The following TRPV4 variants were observed in gnomAD, a reference collection of about 807,000 sequenced individuals.
The protein encoded by TRPV4 is transient receptor potential cation channel subfamily V member 4.
TRPV4 carries 58 observed loss-of-function variants against 84.1 expected under a neutral mutation model. The ratio of observed to expected loss-of-function variants is 0.69; its 90% confidence interval spans 0.56 to 0.86. The LOEUF (loss-of-function observed/expected upper bound fraction) is 0.86, where lower values mean the gene tolerates loss of function less well. Ranked by LOEUF, TRPV4 falls within the 40% of genes least tolerant of loss-of-function variation. TRPV4 has a pLI of 0.00. For synonymous variants in TRPV4, 489 were observed against 500.9 expected (o/e 0.98, Z 0.32); for missense variants, 879 against 1,181.1 (o/e 0.74, Z 3.75).
intron 10 of TRPV4, 60 bp from the exon 11 acceptor site, chr12:109,792,877 G>A: frequency 6.3e-7 from 1 of 1,589,336 alleles, no homozygotes; most frequent in African/African-American, 1.3e-5. Context: ...TGAGGCTCTG[G>A]AGGGGAAGAC....
chr12:109,794,793 G>A (rs1020426427), intron 7 of TRPV4, among the ~76,000 whole-genome samples: 4 of 152,256 alleles, frequency 2.6e-5, no homozygotes, highest in South Asian at 4.2e-4. Context: ...CAAGACAGGC[G>A]GATCACCTAA....
At chr12:109,809,497 A>G in intron 2 of TRPV4, among the ~76,000 whole-genome samples, 1 of 135,246 alleles carries the variant, frequency 7.4e-6, no homozygotes, top group South Asian at 2.4e-4. Context: ...CTACCCATCC[A>G]CTCACTCCTC....
intron 3 of TRPV4, among the ~76,000 whole-genome samples, chr12:109,805,915 C>G (rs903544590): frequency 8.5e-5 from 13 of 152,246 alleles, no homozygotes; most frequent in Admixed American, 2.0e-4. Flanking sequence ...ACAAGCTAGC[C>G]TGGTGCTGAA....
chr12:109,794,111 G>C, intron 8 of TRPV4, 89 bp from the exon 9 acceptor site: 2 of 1,213,288 alleles, frequency 1.6e-6, no homozygotes. Flanking sequence ...CCGAAACATC[G>C]GCATCCCATG....
In TRPV4 at chr12:109,793,836, G is replaced by T; in HGVS notation, c.1584+94C>A. 1 of 1,005,566 alleles carries T rather than the reference G, an allele frequency of 9.9e-7. No individual in the cohort carries two copies. The highest frequency in any genetic ancestry group is 2.5e-5 in the East Asian group (1 of 40,092). The allele number at this position is 1,005,566 out of a possible 1,614,324, so 62.3% of individuals were successfully genotyped here. On this transcript the variant is annotated intron_variant, in intron 9 of 15. Coordinates refer to ENST00000261740, the MANE Select transcript of TRPV4 (RefSeq NM_021625.5). The surrounding 1 kb of genome is among the most constrained non-coding windows in gnomAD (Gnocchi z 4.0). Reference sequence around the variant, plus strand: ...GGAAGGAAAGGAGAAGGACCATTTGGAGGAGAGAGAAGAGAAAAAGAGGGA... The same window carrying T: ...GGAAGGAAAGGAGAAGGACCATTTGTAGGAGAGAGAAGAGAAAAAGAGGGA...
At chr12:109,826,647 C>T (rs1209943551) in intron 1 of TRPV4, among the ~76,000 whole-genome samples, 1 of 152,156 alleles carries the variant, frequency 6.6e-6, no homozygotes, top group African/African-American at 2.4e-5. Context: ...GCTACCATGC[C>T]CTCTCCCTAG....
intron 5 of TRPV4, among the ~76,000 whole-genome samples, chr12:109,800,318 G>A (rs1254057845): frequency 2.0e-5 from 3 of 152,138 alleles, no homozygotes; most frequent in African/African-American, 7.2e-5. Context: ...GCCCTCAAGC[G>A]ATCCTCCTGC....
intron 1 of TRPV4, among the ~76,000 whole-genome samples, chr12:109,829,188 A>T (rs1892347163): frequency 6.6e-6 from 1 of 152,048 alleles, no homozygotes; most frequent in African/African-American, 2.4e-5. Flanking sequence ...TAATAAATAA[A>T]AAAAAAAGTG....
Position 109,798,517 on chromosome 12 carries a change from G to T in TRPV4, c.1152+97C>A. On this transcript the variant is annotated intron_variant, in intron 6 of 15. Coordinates refer to ENST00000261740, the MANE Select transcript of TRPV4 (RefSeq NM_021625.5). This position sits in a 1 kb window ranked among gnomAD's most constrained non-coding sequence, Gnocchi z 5.0. ...GGGGTTGGCATGTTGGGAGGTGCAT[G>T]CACGTATTAATAATGAATACCAGCA... is the stretch of plus-strand genomic sequence containing the variant. The T allele has an allele frequency of 2.0e-6, 3 of 1,472,590 alleles. No individual in the cohort carries two copies. The highest frequency in any genetic ancestry group is 2.8e-6 in the Non-Finnish European group (3 of 1,077,932). The allele number at this position is 1,472,590 out of a possible 1,614,324, so 91.2% of individuals were successfully genotyped here.
At chr12:109,822,201 G>A (rs956879405) in intron 1 of TRPV4, among the ~76,000 whole-genome samples, 8 of 151,394 alleles carry the variant, frequency 5.3e-5, no homozygotes, top group Non-Finnish European at 7.4e-5. Flanking sequence ...GTGAGTGGGT[G>A]GGCAGTGGGG....
intron 1 of TRPV4, among the ~76,000 whole-genome samples, chr12:109,821,514 A>G (rs1198150017): frequency 2.7e-5 from 4 of 150,350 alleles, no homozygotes; most frequent in African/African-American, 9.8e-5. Flanking sequence ...AGCACTTCCC[A>G]CGATTAAACT....
At chr12:109,829,812 C>A (rs1230097286) in intron 1 of TRPV4, among the ~76,000 whole-genome samples, 1 of 152,206 alleles carries the variant, frequency 6.6e-6, no homozygotes, top group Non-Finnish European at 1.5e-5. Context: ...TAAGCCCAGG[C>A]CTGTCTGCAG....
intron 5 of TRPV4, among the ~76,000 whole-genome samples, chr12:109,799,211 G>A (rs551858815): frequency 8.3e-4 from 125 of 149,890 alleles, no homozygotes; most frequent in African/African-American, 2.9e-3. Flanking sequence ...GGAGTGCAGT[G>A]GCACAATCTC....
Position 109,786,973 on chromosome 12 carries a change from A to G in TRPV4, c.2209-136T>C. The stretch of plus-strand genomic sequence containing the variant: ...TAGACTCCTACTCCCCACTAGACAC[A>G]GGGTTTATAAACTCAAATACCCACA... On this transcript the variant is annotated intron_variant, in intron 13 of 15. Transcript: ENST00000261740. This position sits in a 1 kb window ranked among gnomAD's most constrained non-coding sequence, Gnocchi z 4.5. 7.9e-7 allele frequency: 1 copy of G among 1,262,688 alleles called. No homozygotes were observed. Among genetic ancestry groups the G allele is most frequent in the Non-Finnish European group, 1.1e-6 (1 of 900,404 alleles). 78.2% of individuals were successfully genotyped at this position (1,262,688 alleles called of 1,614,324 possible). A position where few individuals can be genotyped will look rare whatever the true frequency, so the allele number is the denominator to read the frequency against.
intron 1 of TRPV4, among the ~76,000 whole-genome samples, chr12:109,819,323 T>C (rs1891997871): frequency 6.6e-6 from 1 of 152,194 alleles, no homozygotes; most frequent in South Asian, 2.1e-4. Context: ...GTGACTGTCA[T>C]GTACATTTCT....
chr12:109,788,274 G>T, intron 13 of TRPV4, 126 bp downstream of exon 13: 1 of 930,740 alleles, frequency 1.1e-6, no homozygotes, highest in Non-Finnish European at 1.6e-6. Flanking sequence ...TACCGACAGA[G>T]AAGTGGAGGG....
chr12:109,794,250 A>G, intron 8 of TRPV4, 79 bp downstream of exon 8: 7 of 1,569,614 alleles, frequency 4.5e-6, no homozygotes, highest in Non-Finnish European at 6.1e-6. Flanking sequence ...GGGGACCCAG[A>G]AGGATGAGGT....
intron 1 of TRPV4, among the ~76,000 whole-genome samples, chr12:109,823,310 C>G (rs997729662): frequency 6.6e-6 from 1 of 152,228 alleles, no homozygotes; most frequent in African/African-American, 2.4e-5. Context: ...TGCACTCACA[C>G]CACCCAGGCA....
chr12:109,831,350 G>A (rs957414114), intron 1 of TRPV4, among the ~76,000 whole-genome samples: 10 of 152,128 alleles, frequency 6.6e-5, no homozygotes, highest in Admixed American at 3.3e-4. Flanking sequence ...CCTACCCTAC[G>A]GCATTCTCCC....
Sources: gnomAD v4.1 joint callset for allele counts (sites outside exome capture counted in the v4.1 genomes callset) on GRCh38, gnomAD v4.1.1 for gene constraint, Gnocchi (gnomAD v3.1) non-coding constraint, MANE v1.5 for transcripts, NCBI Gene and HGNC (gene_info 2026-07-23, HGNC 2026-07-21) for gene names.